Variants in ELMO3 observed in about 807,000 individuals in gnomAD.
The protein encoded by ELMO3 is engulfment and cell motility protein 3.
ELMO3 carries 81 observed loss-of-function variants against 89.0 expected under a neutral mutation model. The observed-to-expected ratio is 0.91, with a 90% CI of 0.76 to 1.09. The LOEUF is 1.09. ELMO3 is among the 50% of genes least tolerant of loss of function. ELMO3 has a pLI of 0.00. For synonymous variants in ELMO3, 406 were observed against 400.6 expected (o/e 1.01, Z -0.16); for missense variants, 959 against 972.8 (o/e 0.99, Z 0.19).
chr16:67,201,278 C>T (rs915501919), intron 8 of ELMO3, 107 bp from the exon 9 acceptor site: 29 of 1,391,694 alleles, frequency 2.1e-5, no homozygotes, highest in Non-Finnish European at 2.6e-5. Flanking sequence ...AGGTTGGCCT[C>T]CATCTCCTGA....
chr16:67,200,947 G>C lies in ELMO3; in HGVS notation c.723G>C (p.Gly241=). The change falls in exon 8 of 20, where the codon GGG becomes GGC. Residue 241 remains glycine, a synonymous_variant. Transcript: ENST00000393997. ...AMALLTALLQ[G]ASPVERKHML... is the part of the protein sequence containing the mutation. ...CCCTGCTGACAGCCTTGCTGCAGGGGGCCAGCCCTGTGGAACGCAAGGTGA... is the reference window on the plus strand; with the variant it reads ...CCCTGCTGACAGCCTTGCTGCAGGGCGCCAGCCCTGTGGAACGCAAGGTGA... The C allele has an allele frequency of 1.2e-6, 2 of 1,609,398 alleles. No homozygotes were observed. Among genetic ancestry groups the C allele is most frequent in the South Asian group, 2.2e-5 (2 of 90,580 alleles).
At chr16:67,202,318 G>C in intron 13 of ELMO3, 34 bp downstream of exon 13, 1 of 1,613,408 alleles carries the variant, frequency 6.2e-7, no homozygotes, top group Non-Finnish European at 8.5e-7. Context: ...GCATGGCCAA[G>C]AGCAGGGGAC....
At position 67,202,753 on chromosome 16, in the gene ELMO3, C is replaced by T. The variant is rs944999898; in HGVS notation, c.1525C>T (p.Arg509Trp). The change falls in exon 15 of 20, where the codon CGG (arginine) becomes TGG (tryptophan). Residue 509 changes from arginine to tryptophan, a missense_variant. By Grantham distance (101) the Arg-to-Trp change is moderately radical (BLOSUM62 -3). Transcript: ENST00000393997. ...GGTGCTGCGGCTGCGGCAGACTGAACGGCTGCACCAGGAGGGCACACTGGC... is the reference window on the plus strand; with the variant it reads ...GGTGCTGCGGCTGCGGCAGACTGAATGGCTGCACCAGGAGGGCACACTGGC... The part of the protein sequence containing the change: ...GEVLRLRQTE[R>W]LHQEGTLAPP... 9.3e-6 allele frequency: 15 copies of T among 1,613,438 alleles called. No homozygotes were observed. The highest frequency in any genetic ancestry group is 2.2e-5 in the South Asian group (2 of 91,090).
chr16:67,200,537 C>T lies in ELMO3; in HGVS notation c.500C>T (p.Pro167Leu). 6.2e-7 allele frequency: 1 copy of T among 1,613,630 alleles called. No individual in the cohort carries two copies. The highest frequency in any genetic ancestry group is 1.7e-5 in the Admixed American group (1 of 60,002). ...GTGTCCTGGGAGACTCTGAGCATCC[C>T]CTTTGTGAGGAAGGTGGGTGGGCTT... ...GVVSWETLSI[P>L]FVRKVVCYVN... Residue 167 changes from proline to leucine, a missense_variant, in exon 6 of 20, where the codon CCC becomes CTC. Transcript: ENST00000393997.
At position 67,200,338 on chromosome 16, in the gene ELMO3, C is replaced by G. The variant is rs369252219; in HGVS notation, c.390C>G (p.Gly130=). Residue 130 remains glycine (G), a synonymous_variant, in exon 5 of 20, where the codon GGC becomes GGG. Transcript: ENST00000393997. ...VISRNGLQIL[G]TIIEDGDDLG... ...GCCGTAATGGGCTCCAGATACTAGG[C>G]ACCATCATTGAAGATGGGGACGAGT... is the stretch of plus-strand genomic sequence containing the variant. 30 of 1,613,794 alleles carry G rather than the reference C, an allele frequency of 1.9e-5. No homozygotes were observed. The highest frequency in any genetic ancestry group is 1.6e-4 in the Middle Eastern group (1 of 6,084).
In ELMO3 at chr16:67,203,637, G is replaced by A; in HGVS notation, c.1951-28G>A. On this transcript the variant is annotated intron_variant, in intron 19 of 19. Coordinates refer to ENST00000393997, the MANE Select transcript of ELMO3 (RefSeq NM_024712.5). The surrounding 1 kb of genome is among the most constrained non-coding windows in gnomAD (Gnocchi z 4.6). ...GGTGGGCAGGGGAGGCAGATGGGCA[G>A]ACCCTCACGGCTCTGTGCCACCCCC... is the stretch of plus-strand genomic sequence containing the variant. 2 of 1,613,848 alleles carry A rather than the reference G, an allele frequency of 1.2e-6. No individual in the cohort carries two copies. The highest frequency in any genetic ancestry group is 1.7e-6 in the Non-Finnish European group (2 of 1,179,962).
chr16:67,200,224 G>A lies in ELMO3; in HGVS notation c.276G>A (p.Leu92=), dbSNP rs751777848. ...DLEAEQLLGG[L]QSNSPEGRRE... ...AGGCTGAGCAGCTCTTGGGTGGGCT[G>A]CAGAGTAACAGTCCTGAAGGGCGCC... The change falls in exon 5 of 20, where the codon CTG becomes CTA. Residue 92 remains leucine, a synonymous_variant. Transcript: ENST00000393997. The A allele has an allele frequency of 1.9e-6, 3 of 1,613,416 alleles. No homozygotes were observed. The highest frequency in any genetic ancestry group is 2.7e-5 in the African/African-American group (2 of 74,948).
In ELMO3 at chr16:67,199,421, C is replaced by T. The variant is rs776942139; in HGVS notation, c.78+17C>T. On this transcript the variant is annotated intron_variant, in intron 1 of 19. Transcript: ENST00000393997. ...CTGGACCAGGTCACCCGGCTGGTCCCGCCTCCATCTGCCCCACTGCCCCAC... is the reference window on the plus strand; with the variant it reads ...CTGGACCAGGTCACCCGGCTGGTCCTGCCTCCATCTGCCCCACTGCCCCAC... The T allele has an allele frequency of 2.5e-6, 4 of 1,602,338 alleles. No individual in the cohort carries two copies. In the Admixed American group the frequency reaches 5.0e-5, roughly 20 times the overall value.
Position 67,201,504 on chromosome 16 carries a change from A to T in ELMO3, c.796-16A>T, listed in dbSNP as rs751012893. On this transcript the variant is annotated splice_polypyrimidine_tract_variant and intron_variant, in intron 9 of 19. Transcript: ENST00000393997. ...CCGTGAGCCCTCGCTTACACCAGGGACTGGCTGTCCTGCAGAACATCATCC... is the reference window on the plus strand; with the variant it reads ...CCGTGAGCCCTCGCTTACACCAGGGTCTGGCTGTCCTGCAGAACATCATCC... The T allele has an allele frequency of 1.2e-6, 2 of 1,613,906 alleles. No homozygotes were observed. Among genetic ancestry groups the T allele is most frequent in the South Asian group, 1.1e-5 (1 of 91,080 alleles).
rs760126460 is a variant in ELMO3, at chr16:67,200,568, G to A, written c.513+18G>A. The A allele has an allele frequency of 1.2e-6, 2 of 1,613,282 alleles. No individual in the cohort carries two copies. Among genetic ancestry groups the A allele is most frequent in the African/African-American group, 1.3e-5 (1 of 74,874 alleles). On this transcript the variant is annotated intron_variant, in intron 6 of 19. Coordinates refer to ENST00000393997, the MANE Select transcript of ELMO3 (RefSeq NM_024712.5). ...TGAGGAAGGTGGGTGGGCTTTCCTA[G>A]GGCAGCGGGTGGGGGCAGTGGAGCA...
At position 67,199,309 on chromosome 16, in the gene ELMO3, C is replaced by G; in HGVS notation, c.-18C>G. 6.2e-7 allele frequency: 1 copy of G among 1,612,432 alleles called. No individual in the cohort carries two copies. Among genetic ancestry groups the G allele is most frequent in the Non-Finnish European group, 8.5e-7 (1 of 1,179,892 alleles). ...CACGGTCTCCGGAAAGTGCAGGCGC[C>G]CACGTCCCAGCTGGACCATGGCGCC... On this transcript the variant is annotated 5_prime_UTR_variant, in exon 1 of 20. Coordinates refer to ENST00000393997, the MANE Select transcript of ELMO3 (RefSeq NM_024712.5).
At chr16:67,201,712 C>A (rs757530514) in intron 10 of ELMO3, 30 bp from the exon 11 acceptor site, 2 of 1,607,552 alleles carry the variant, frequency 1.2e-6, no homozygotes, top group Admixed American at 1.7e-5. Context: ...AATCTTGATC[C>A]CCTCCCCCGC....
chr16:67,202,637 T>A lies in ELMO3; in HGVS notation c.1409T>A (p.Val470Glu). Reference protein sequence around the residue: ...TQEDFDKVMQVVREQLARTLA... With the variant: ...TQEDFDKVMQEVREQLARTLA... The stretch of plus-strand genomic sequence containing the variant: ...CTTGGGCGGCCCCAGGTCATGCAGG[T>A]GGTGCGGGAGCAGCTGGCCCGCACT... Residue 470 changes from valine (V) to glutamate (E), a missense_variant, in exon 15 of 20, where the codon GTG becomes GAG. Transcript: ENST00000393997. 2 of 1,613,436 alleles carry A rather than the reference T, an allele frequency of 1.2e-6. No homozygotes were observed. Among genetic ancestry groups the A allele is most frequent in the Non-Finnish European group, 1.7e-6 (2 of 1,179,956 alleles).
chr16:67,200,500 G>C lies in ELMO3; in HGVS notation c.463G>C (p.Glu155Gln). The C allele has an allele frequency of 6.2e-7, 1 of 1,613,758 alleles. No individual in the cohort carries two copies. ...LSLRAFSELMEHGVVSWETLS... is the reference protein window; with the variant it reads ...LSLRAFSELMQHGVVSWETLS... ...CCTGAGGGCCTTCTCAGAGCTCATG[G>C]AGCACGGCGTGGTGTCCTGGGAGAC... The change falls in exon 6 of 20, where the codon GAG becomes CAG. Residue 155 changes from glutamate (E) to glutamine (Q), a missense_variant. Transcript: ENST00000393997.
intron 8 of ELMO3, 117 bp from the exon 9 acceptor site, chr16:67,201,268 A>T (rs2033101406): frequency 9.1e-7 from 1 of 1,100,522 alleles, no homozygotes; most frequent in Admixed American, 2.0e-5. Flanking sequence ...TGTGTTAGCC[A>T]GGTTGGCCTC....
chr16:67,201,566 A>C lies in ELMO3; in HGVS notation c.842A>C (p.His281Pro). The C allele has an allele frequency of 6.2e-7, 1 of 1,613,954 alleles. No homozygotes were observed. The highest frequency in any genetic ancestry group is 1.1e-5 in the South Asian group (1 of 91,078). The stretch of plus-strand genomic sequence containing the variant: ...CCAATGGGCGACGAGATGGCTCATC[A>C]CCTGTACGTACTGCAGGCTCTCATG... The part of the protein sequence containing the change: ...AAPMGDEMAH[H>P]LYVLQALMLG... Residue 281 changes from histidine (H) to proline (P), a missense_variant, in exon 10 of 20, where the codon CAC becomes CCC. His to Pro is a moderately conservative substitution (Grantham distance 77). Coordinates refer to ENST00000393997, the MANE Select transcript of ELMO3 (RefSeq NM_024712.5).
Position 67,199,673 on chromosome 16 carries a change from G to C in ELMO3, c.120-11G>C, listed in dbSNP as rs201512929. On this transcript the variant is annotated splice_polypyrimidine_tract_variant and intron_variant, in intron 2 of 19. Coordinates refer to ENST00000393997, the MANE Select transcript of ELMO3 (RefSeq NM_024712.5). ...CCCCCTGCCGGCCTCGCTGAGCCTC[G>C]TGCCCCTCAGGTGGAGCCTGACGCA... The C allele has an allele frequency of 1.1e-5, 17 of 1,609,602 alleles. No homozygotes were observed. In the Admixed American group the frequency reaches 1.7e-4, roughly 16 times the overall value.
chr16:67,199,476 G>GGGCCCCCCCCCCCCC, intron 1 of ELMO3, 72 bp downstream of exon 1: 12 of 1,503,494 alleles, frequency 8.0e-6, no homozygotes, highest in Non-Finnish European at 9.0e-6. Context: ...CCTCGGGGCA[G>GGGCCCCCCCCCCCCC]CCCGCCCCAC....
Position 67,203,948 on chromosome 16 carries a change from C to G in ELMO3, c.*71C>G. 7.7e-7 allele frequency: 1 copy of G among 1,295,344 alleles called. No homozygotes were observed. Among genetic ancestry groups the G allele is most frequent in the Non-Finnish European group, 1.0e-6 (1 of 959,304 alleles). 80.2% of individuals were successfully genotyped at this position (1,295,344 alleles called of 1,614,324 possible). A position where few individuals can be genotyped will look rare whatever the true frequency, so the allele number is the denominator to read the frequency against. On this transcript the variant is annotated 3_prime_UTR_variant, in exon 20 of 20. Transcript: ENST00000393997. The surrounding 1 kb of genome is among the most constrained non-coding windows in gnomAD (Gnocchi z 4.6). ...ATGAAGGGCAGTGGGTAGAGGAGTG[C>G]AGGCACCCTGACCAGCAGAGATTGC...
Sources: gnomAD v4.1 joint callset for allele counts on GRCh38, gnomAD v4.1.1 for gene constraint, Gnocchi (gnomAD v3.1) non-coding constraint, MANE v1.5 for transcripts, NCBI Gene and HGNC (gene_info 2026-07-23, HGNC 2026-07-21) for gene names.